CIMIP2A: variants seen among roughly 807,000 people sequenced by gnomAD.
CIMIP2A encodes ciliary microtubule inner protein 2A.
the CIMIP2A span, chr9:137,244,156 G>A: frequency 6.2e-7 from 1 of 1,612,486 alleles, no homozygotes; most frequent in Non-Finnish European, 8.5e-7. Context: ...ATGTGACCCT[G>A]CCCACTCTAC....
At chr9:137,245,325 C>G in the CIMIP2A span, 1 of 1,591,236 alleles carries the variant, frequency 6.3e-7, no homozygotes, top group Non-Finnish European at 8.6e-7. Context: ...GCCTGGGGGC[C>G]TCGCAAACAG....
chr9:137,253,657 G>A, the CIMIP2A span, among the ~76,000 whole-genome samples: 4 of 152,220 alleles, frequency 2.6e-5, no homozygotes, highest in African/African-American at 4.8e-5. Flanking sequence ...AGCCTGGAGC[G>A]AGATGGGAGG....
At chr9:137,249,380 A>G in the CIMIP2A span, among the ~76,000 whole-genome samples, 2 of 151,952 alleles carry the variant, frequency 1.3e-5, no homozygotes, top group Non-Finnish European at 2.9e-5. Context: ...CATTGCTTCC[A>G]CTCCTAAGAA....
the CIMIP2A span, chr9:137,251,257 G>A: frequency 2.1e-6 from 3 of 1,423,444 alleles, no homozygotes; most frequent in African/African-American, 1.4e-5. Context: ...GCTCCGTGGT[G>A]CCGTTGGGGA....
the CIMIP2A span, chr9:137,251,292 G>C: frequency 1.2e-6 from 2 of 1,609,480 alleles, no homozygotes; most frequent in Non-Finnish European, 1.7e-6. Context: ...CTCTGATGAT[G>C]AATTCTGACC....
the CIMIP2A span, chr9:137,245,939 A>G: frequency 1.7e-6 from 2 of 1,146,634 alleles, no homozygotes; most frequent in Admixed American, 6.3e-5. Context: ...ATGTGGATTC[A>G]GCCTGCTGGC....
At chr9:137,251,352 C>T in the CIMIP2A span, 2 of 1,613,662 alleles carry the variant, frequency 1.2e-6, no homozygotes, top group Non-Finnish European at 1.7e-6. Flanking sequence ...GAGGCAAACA[C>T]TGGACCCATG....
the CIMIP2A span, chr9:137,247,842 C>G: frequency 2.5e-5 from 22 of 897,284 alleles, no homozygotes; most frequent in Non-Finnish European, 3.7e-5. Context: ...TGGGCCAGGC[C>G]ACCTCGCTAA....
the CIMIP2A span, chr9:137,252,801 G>A: frequency 6.4e-7 from 1 of 1,564,298 alleles, no homozygotes; most frequent in Admixed American, 1.9e-5. Flanking sequence ...CTGGGCCTCA[G>A]GGTGCAGCCC....
At chr9:137,245,279 G>C in the CIMIP2A span, 6 of 1,578,026 alleles carry the variant, frequency 3.8e-6, no homozygotes, top group Admixed American at 8.9e-5. Flanking sequence ...AGCGGAATGG[G>C]CTTGGCACTG....
the CIMIP2A span, chr9:137,250,317 G>C: frequency 9.8e-5 from 15 of 152,462 alleles, no homozygotes; most frequent in Non-Finnish European, 1.9e-4. Context: ...CATTAGCAAA[G>C]TACACTCTGT....
the CIMIP2A span, chr9:137,243,865 G>T: frequency 2.0e-6 from 3 of 1,495,366 alleles, no homozygotes; most frequent in Non-Finnish European, 2.8e-6. Flanking sequence ...AGGCTTCAGA[G>T]AAGTGTGGGG....
At chr9:137,254,001 C>T in the CIMIP2A span, among the ~76,000 whole-genome samples, 1 of 152,120 alleles carries the variant, frequency 6.6e-6, no homozygotes, top group South Asian at 2.1e-4. Context: ...CTGCCTGCAA[C>T]TTCGCCTGGC....
At chr9:137,247,965 A>G in the CIMIP2A span, among the ~76,000 whole-genome samples, 1 of 152,136 alleles carries the variant, frequency 6.6e-6, no homozygotes, top group Non-Finnish European at 1.5e-5. Flanking sequence ...TTAACTTCAG[A>G]GCTCAGAAAA....
At chr9:137,253,163 G>A in the CIMIP2A span, 17 of 1,602,952 alleles carry the variant, frequency 1.1e-5, no homozygotes, top group East Asian at 2.2e-5. Context: ...TGCAACTCAC[G>A]CTTCCCTTCG....
At chr9:137,243,904 T>C in the CIMIP2A span, 2 of 1,190,024 alleles carry the variant, frequency 1.7e-6, no homozygotes, top group Non-Finnish European at 2.5e-6. Context: ...ATCTGCTTGG[T>C]GGGGAACTTG....
chr9:137,244,194 G>C, the CIMIP2A span: 11 of 1,613,912 alleles, frequency 6.8e-6, no homozygotes, highest in Admixed American at 1.7e-4. Flanking sequence ...CATGTAGAAG[G>C]GGATCAGGCC....
the CIMIP2A span, chr9:137,252,756 G>C: frequency 3.2e-6 from 5 of 1,560,348 alleles, no homozygotes; most frequent in East Asian, 1.2e-4. Flanking sequence ...ACACCTGAAG[G>C]CCACACCCAC....
At chr9:137,252,298 G>T in the CIMIP2A span, 74 of 1,321,882 alleles carry the variant, frequency 5.6e-5, no homozygotes, top group East Asian at 1.7e-3. Flanking sequence ...GAGAGAGGAG[G>T]GCTAGGGCTG....
Sources: gnomAD v4.1 joint callset for allele counts (sites outside exome capture counted in the v4.1 genomes callset) on GRCh38, gnomAD v4.1.1 for gene constraint, MANE v1.5 for transcripts, NCBI Gene and HGNC (gene_info 2026-07-23, HGNC 2026-07-21) for gene names.